The following RAP1A variants were observed in gnomAD, a reference collection of about 807,000 sequenced individuals.
RAP1A encodes ras-related protein Rap-1A.
A neutral mutation model predicts 26.4 loss-of-function variants in RAP1A; 6 were observed. That is an observed-to-expected ratio of 0.23 (90% CI 0.12 to 0.45). The LOEUF (loss-of-function observed/expected upper bound fraction) is 0.45. RAP1A is among the 20% of genes least tolerant of loss of function. The pLI, the probability that RAP1A is intolerant of heterozygous loss-of-function variation, is 0.99. For synonymous variants in RAP1A, 73 were observed against 79.4 expected, an observed-to-expected ratio of 0.92 and a Z score of 0.43; for missense variants, 121 against 217.2, an observed-to-expected ratio of 0.56 and a Z score of 2.78.
chr1:111,677,207 T>A (rs1264219173), intron 1 of RAP1A, among the ~76,000 whole-genome samples: 1 of 152,232 alleles, frequency 6.6e-6, no homozygotes, highest in Non-Finnish European at 1.5e-5. Flanking sequence ...ATTCCTTACA[T>A]TCATTACTGA....
At chr1:111,601,426 G>A (rs1200618673) in intron 1 of RAP1A, among the ~76,000 whole-genome samples, 1 of 152,210 alleles carries the variant, frequency 6.6e-6, no homozygotes, top group African/African-American at 2.4e-5. Context: ...GAGGAATAAA[G>A]CTATGTAATG....
chr1:111,647,710 CTT>C (rs58515698), intron 1 of RAP1A, among the ~76,000 whole-genome samples: 10 of 144,364 alleles, frequency 6.9e-5, no homozygotes, highest in African/African-American at 2.0e-4. Flanking sequence ...GGCTCTAGAT[CTT>C]TTTTTTTTTT....
At chr1:111,607,061 T>G (rs995952749) in intron 1 of RAP1A, among the ~76,000 whole-genome samples, 4 of 151,262 alleles carry the variant, frequency 2.6e-5, no homozygotes, top group Non-Finnish European at 5.9e-5. Context: ...CTTGGGTGTT[T>G]CTCGCAGAGG....
chr1:111,597,008 T>C (rs1172990024), intron 1 of RAP1A, among the ~76,000 whole-genome samples: 1 of 152,218 alleles, frequency 6.6e-6, no homozygotes, highest in Non-Finnish European at 1.5e-5. Flanking sequence ...AGGTGTGGGC[T>C]GGAGTTAAGG....
intron 1 of RAP1A, among the ~76,000 whole-genome samples, chr1:111,582,350 T>A (rs768108355): frequency 5.9e-5 from 9 of 152,200 alleles, no homozygotes; most frequent in Non-Finnish European, 1.3e-4. Context: ...CAGCAGCTCT[T>A]AATTTTAGCC....
intron 1 of RAP1A, among the ~76,000 whole-genome samples, chr1:111,665,750 GCA>G (rs1660781865): frequency 1.3e-5 from 2 of 152,220 alleles, no homozygotes; most frequent in East Asian, 3.9e-4. Context: ...GTTCCTAAAG[GCA>G]CAGAGTATAG....
intron 1 of RAP1A, among the ~76,000 whole-genome samples, chr1:111,642,492 CTT>C (rs111801242): frequency 0.13 from 18,414 of 142,918 alleles, 1,334 homozygotes; most frequent in South Asian, 0.17. Context: ...TAGGTGTTAA[CTT>C]TTTTTTTTTT....
rs1009116756 is a variant in RAP1A, at chr1:111,570,793, T to C, written c.-28+28284T>C. ...ATCACTCCCGCAGGAACTAACCCAGTCTGGCCAGAGCAAGAACTCACTCAC... is the reference window on the plus strand; with the variant it reads ...ATCACTCCCGCAGGAACTAACCCAGCCTGGCCAGAGCAAGAACTCACTCAC... On this transcript the variant is annotated intron_variant, in intron 1 of 7. Transcript: ENST00000356415. Among the ~76,000 whole-genome samples the C allele has an allele frequency of 8.5e-5, 13 of 152,122 alleles. 1 individual carries two copies. The highest frequency in any genetic ancestry group is 8.5e-4 in the Admixed American group (13 of 15,270).
At position 111,713,886 on chromosome 1, in the gene RAP1A, C is replaced by G. The variant is rs1456752903; in HGVS notation, c.*1485C>G. On this transcript the variant is annotated 3_prime_UTR_variant, in exon 8 of 8. Coordinates refer to ENST00000369709, the MANE Select transcript of RAP1A (RefSeq NM_002884.4). ...AAAGGAAAGAAACAAGCTTAGAAAA[C>G]CCTGTGCCTTGTCCTCAAATATTAA... 1 of 152,106 alleles carries G rather than the reference C, an allele frequency of 6.6e-6. No homozygotes were observed. 9.4% of individuals were successfully genotyped at this position (152,106 alleles called of 1,614,324 possible). A position where few individuals can be genotyped will look rare whatever the true frequency, so the allele number is the denominator to read the frequency against.
chr1:111,659,581 A>G (rs1429170421), intron 1 of RAP1A, among the ~76,000 whole-genome samples: 1 of 151,262 alleles, frequency 6.6e-6, no homozygotes, highest in Non-Finnish European at 1.5e-5. Flanking sequence ...CAGGTTAGTT[A>G]CATATGTATA....
Position 111,713,111 on chromosome 1 carries a change from T to C in RAP1A, c.*710T>C, listed in dbSNP as rs1024970356. The C allele has an allele frequency of 6.6e-6, 1 of 152,612 alleles. No homozygotes were observed. The highest frequency in any genetic ancestry group is 2.4e-5 in the African/African-American group (1 of 41,460). The allele number at this position is 152,612 out of a possible 1,614,324, so 9.5% of individuals were successfully genotyped here. ...ATGGATGATTAAATTTTAGTACATTTTCATTTGGTTTGTGTGTTTTTGTTA... is the reference window on the plus strand; with the variant it reads ...ATGGATGATTAAATTTTAGTACATTCTCATTTGGTTTGTGTGTTTTTGTTA... On this transcript the variant is annotated 3_prime_UTR_variant, in exon 8 of 8. Transcript: ENST00000369709.
At chr1:111,610,533 A>AACAC (rs71099922) in intron 1 of RAP1A, among the ~76,000 whole-genome samples, 1,601 of 141,872 alleles carry the variant, frequency 0.011, 18 homozygotes, top group Middle Eastern at 0.021. Flanking sequence ...CCCTCCACCC[A>AACAC]ACACACACAC....
At chr1:111,590,594 CTTT>C (rs976316986) in intron 1 of RAP1A, among the ~76,000 whole-genome samples, 1 of 141,914 alleles carries the variant, frequency 7.0e-6, no homozygotes, top group Admixed American at 7.1e-5. Context: ...TTCTAATGGT[CTTT>C]TTTTTTTTTA....
At chr1:111,551,324 C>T (rs182387945) in intron 1 of RAP1A, among the ~76,000 whole-genome samples, 232 of 152,216 alleles carry the variant, frequency 1.5e-3, no homozygotes, top group Admixed American at 2.2e-3. Flanking sequence ...TCAGTTCCTC[C>T]GTTACTAGTT....
At chr1:111,685,843 T>G (rs933704559) in intron 1 of RAP1A, among the ~76,000 whole-genome samples, 1 of 151,918 alleles carries the variant, frequency 6.6e-6, no homozygotes, top group South Asian at 2.1e-4. Context: ...ATTGCAGCAT[T>G]ATTCACAATA....
At chr1:111,572,692 C>T (rs1429931553) in intron 1 of RAP1A, among the ~76,000 whole-genome samples, 1 of 152,194 alleles carries the variant, frequency 6.6e-6, no homozygotes, top group Non-Finnish European at 1.5e-5. Context: ...GGATGACCAA[C>T]TATCATGGTT....
chr1:111,707,840 T>C (rs1228882248), intron 6 of RAP1A, among the ~76,000 whole-genome samples: 3 of 152,250 alleles, frequency 2.0e-5, no homozygotes, highest in East Asian at 3.8e-4. Context: ...TTTGATACTT[T>C]GCACTTTTCA....
chr1:111,555,690 T>C (rs1419607942), intron 1 of RAP1A, among the ~76,000 whole-genome samples: 1 of 152,126 alleles, frequency 6.6e-6, no homozygotes, highest in Non-Finnish European at 1.5e-5. Context: ...CAACAAATGG[T>C]GTTGGGAAAA....
At chr1:111,578,158 T>G (rs77655340) in intron 1 of RAP1A, among the ~76,000 whole-genome samples, 2,155 of 152,100 alleles carry the variant, frequency 0.014, 45 homozygotes, top group East Asian at 0.07. Context: ...AAATGAGAAT[T>G]GGCCAGGTAT....
Sources: gnomAD v4.1 joint callset for allele counts (sites outside exome capture counted in the v4.1 genomes callset) on GRCh38, gnomAD v4.1.1 for gene constraint, MANE v1.5 for transcripts, NCBI Gene and HGNC (gene_info 2026-07-23, HGNC 2026-07-21) for gene names.